Variants in CLSTN2 observed in about 807,000 individuals in gnomAD.
The protein encoded by CLSTN2 is calsyntenin-2.
Under a neutral mutation model 101.2 loss-of-function variants are expected in CLSTN2, and 48 were observed. The observed-to-expected ratio is 0.47, with a 90% CI of 0.38 to 0.60. The LOEUF is 0.60. Ranked by LOEUF, CLSTN2 falls within the 20% of genes least tolerant of loss-of-function variation. The pLI, the probability that CLSTN2 is intolerant of heterozygous loss-of-function variation, is 0.00. For missense variants in CLSTN2, 1,160 were observed against 1,238.2 expected (o/e 0.94, Z 0.95); for synonymous variants, 481 against 463.6 (o/e 1.04, Z -0.48).
At chr3:140,443,994 C>T (rs1933021628) in intron 5 of CLSTN2, among the ~76,000 whole-genome samples, 1 of 152,186 alleles carries the variant, frequency 6.6e-6, no homozygotes, top group South Asian at 2.1e-4. Flanking sequence ...CAAGGTCAGA[C>T]ACTGATAAAA....
intron 5 of CLSTN2, among the ~76,000 whole-genome samples, chr3:140,436,778 T>C (rs2088691931): frequency 6.6e-6 from 1 of 152,196 alleles, no homozygotes. Flanking sequence ...TTCTGATAAG[T>C]TCTTGGTTGG....
At chr3:140,463,947 G>T (rs779115861) in intron 7 of CLSTN2, among the ~76,000 whole-genome samples, 2 of 152,126 alleles carry the variant, frequency 1.3e-5, no homozygotes, top group Non-Finnish European at 2.9e-5. Context: ...AGCATCTTTC[G>T]CATGAGGAAT....
chr3:140,258,584 G>A (rs1045574993), intron 2 of CLSTN2, among the ~76,000 whole-genome samples: 1 of 152,152 alleles, frequency 6.6e-6, no homozygotes, highest in Non-Finnish European at 1.5e-5. Context: ...GCTGTGATAT[G>A]TATTTGCTCA....
In CLSTN2 at chr3:140,576,632, G is replaced by T. The variant is rs1041359661; in HGVS notation, c.*10379G>T. 6.6e-6 allele frequency: 1 copy of T among 152,172 alleles called. No individual in the cohort carries two copies. The highest frequency in any genetic ancestry group is 1.5e-5 in the Non-Finnish European group (1 of 68,046). 9.4% of individuals were successfully genotyped at this position (152,172 alleles called of 1,614,324 possible). A position where few individuals can be genotyped will look rare whatever the true frequency, so the allele number is the denominator to read the frequency against. ...TCTCCTCCAGAGTCTCTGTGGTGTT[G>T]ACACAGCAGAGAGAGGAGGGGGAGC... On this transcript the variant is annotated 3_prime_UTR_variant, in exon 17 of 17. Transcript: ENST00000458420.
intron 2 of CLSTN2, among the ~76,000 whole-genome samples, chr3:140,306,597 T>C (rs1370999112): frequency 6.6e-6 from 1 of 152,164 alleles, no homozygotes; most frequent in African/African-American, 2.4e-5. Context: ...TGCCATCAAG[T>C]AGCTGCTTCA....
At chr3:140,230,760 G>A (rs1015575325) in intron 2 of CLSTN2, among the ~76,000 whole-genome samples, 17 of 152,312 alleles carry the variant, frequency 1.1e-4, no homozygotes, top group East Asian at 9.7e-4. Context: ...ATACCAGCCT[G>A]AACCAACTGG....
At chr3:140,305,751 C>T (rs2087108408) in intron 2 of CLSTN2, among the ~76,000 whole-genome samples, 1 of 151,650 alleles carries the variant, frequency 6.6e-6, no homozygotes, top group Non-Finnish European at 1.5e-5. Context: ...CAAAATACGC[C>T]CAATATTTTG....
chr3:140,568,672 G>T lies in CLSTN2; in HGVS notation c.*2419G>T, dbSNP rs1985403432. 6.6e-6 allele frequency: 1 copy of T among 152,142 alleles called. No individual in the cohort carries two copies. Among genetic ancestry groups the T allele is most frequent in the Non-Finnish European group, 1.5e-5 (1 of 68,028 alleles). The allele number at this position is 152,142 out of a possible 1,614,324, so 9.4% of individuals were successfully genotyped here. ...ACCCATTCTTTTTGAATTAGATTTT[G>T]ATTTTAAATATTTAAGTCTGGTGTT... On this transcript the variant is annotated 3_prime_UTR_variant, in exon 17 of 17. Coordinates refer to ENST00000458420, the MANE Select transcript of CLSTN2 (RefSeq NM_022131.3).
intron 1 of CLSTN2, among the ~76,000 whole-genome samples, chr3:140,161,460 C>T (rs749286951): frequency 3.3e-5 from 5 of 152,086 alleles, no homozygotes; most frequent in Non-Finnish European, 7.4e-5. Context: ...AAAAGATGCT[C>T]CCCTTCCTTT....
intron 8 of CLSTN2, among the ~76,000 whole-genome samples, chr3:140,502,394 G>A (rs1012337151): frequency 5.3e-5 from 8 of 152,220 alleles, no homozygotes; most frequent in Non-Finnish European, 8.8e-5. Flanking sequence ...AGTTCACTGT[G>A]AAGGCAATCA....
At chr3:140,175,464 G>A (rs969038990) in intron 1 of CLSTN2, among the ~76,000 whole-genome samples, 4 of 152,222 alleles carry the variant, frequency 2.6e-5, no homozygotes, top group African/African-American at 9.6e-5. Context: ...TATTTAAAAT[G>A]CAGTAACTTC....
At chr3:140,111,277 T>G (rs952093390) in intron 1 of CLSTN2, among the ~76,000 whole-genome samples, 1 of 152,190 alleles carries the variant, frequency 6.6e-6, no homozygotes, top group Admixed American at 6.5e-5. Context: ...CCTCTCTATC[T>G]GAATTGTGTG....
At chr3:140,050,637 T>C (rs993179802) in intron 1 of CLSTN2, among the ~76,000 whole-genome samples, 20 of 152,128 alleles carry the variant, frequency 1.3e-4, no homozygotes, top group African/African-American at 4.3e-4. Flanking sequence ...GAGGAACAAA[T>C]ACTCTAACCT....
At chr3:140,173,121 T>C (rs779674080) in intron 1 of CLSTN2, among the ~76,000 whole-genome samples, 7 of 152,192 alleles carry the variant, frequency 4.6e-5, no homozygotes, top group African/African-American at 1.7e-4. Flanking sequence ...GCCTATGAAC[T>C]TGTAAAATCA....
chr3:140,354,224 T>C (rs78039832), intron 2 of CLSTN2, among the ~76,000 whole-genome samples: 2,466 of 152,290 alleles, frequency 0.016, 56 homozygotes, highest in African/African-American at 0.057. Flanking sequence ...CATAGGATGT[T>C]ACCCAGAGTT....
At chr3:140,123,840 ATG>A (rs921863103) in intron 1 of CLSTN2, among the ~76,000 whole-genome samples, 4 of 79,116 alleles carry the variant, frequency 5.1e-5, no homozygotes, top group Non-Finnish European at 7.9e-5. Context: ...ATGTATGTAT[ATG>A]TGTGTGTGTA....
intron 1 of CLSTN2, among the ~76,000 whole-genome samples, chr3:140,079,808 A>G (rs1225395459): frequency 6.6e-6 from 1 of 152,112 alleles, no homozygotes; most frequent in Non-Finnish European, 1.5e-5. Flanking sequence ...AGGAGAAATA[A>G]GAGTTTACAT....
At chr3:140,196,252 C>T (rs2010641974) in intron 2 of CLSTN2, among the ~76,000 whole-genome samples, 4 of 152,158 alleles carry the variant, frequency 2.6e-5, no homozygotes, top group African/African-American at 7.2e-5. Context: ...TCAGAGATGG[C>T]GGAGCTTTCC....
At chr3:140,203,870 G>A (rs146764925) in intron 2 of CLSTN2, among the ~76,000 whole-genome samples, 68 of 152,236 alleles carry the variant, frequency 4.5e-4, no homozygotes, top group African/African-American at 1.5e-3. Flanking sequence ...AAAATAACCC[G>A]CAAGATTCTG....
Sources: gnomAD v4.1 joint callset for allele counts (sites outside exome capture counted in the v4.1 genomes callset) on GRCh38, gnomAD v4.1.1 for gene constraint, MANE v1.5 for transcripts, NCBI Gene and HGNC (gene_info 2026-07-23, HGNC 2026-07-21) for gene names.